Variants in ACTR1B observed in about 807,000 individuals in gnomAD.
The protein encoded by ACTR1B is actin related protein 1B, also known as beta-centractin.
A neutral mutation model predicts 49.4 loss-of-function variants in ACTR1B; 34 were observed. That is an observed-to-expected ratio of 0.69 (90% CI 0.52 to 0.92). The LOEUF (loss-of-function observed/expected upper bound fraction) is 0.92. ACTR1B is among the 40% of genes least tolerant of loss of function. The probability of loss-of-function intolerance (pLI) is 0.00; values close to 1 mark genes in which losing one functional copy is unlikely to be tolerated. For missense variants in ACTR1B, 471 were observed against 522.4 expected (o/e 0.90, Z 0.96); for synonymous variants, 207 against 207.8 (o/e 1.00, Z 0.03).
At chr2:97,661,437 A>G (rs1045637136) in intron 2 of ACTR1B, among the ~76,000 whole-genome samples, 1 of 152,212 alleles carries the variant, frequency 6.6e-6, no homozygotes, top group Admixed American at 6.5e-5. Flanking sequence ...CACCAGTACC[A>G]TACAGGGCAA....
Position 97,656,507 on chromosome 2 carries a change from C to A in ACTR1B, c.*351G>T. 3.7e-6 allele frequency: 1 copy of A among 272,732 alleles called. No individual in the cohort carries two copies. The allele number at this position is 272,732 out of a possible 1,614,324, so 16.9% of individuals were successfully genotyped here. ...GCAGCCCACTCCCCAAACTGGCTAC[C>A]CAGGCATCCAGGCATTCTGGCCCTG... On this transcript the variant is annotated 3_prime_UTR_variant, in exon 11 of 11. Coordinates refer to ENST00000289228, the MANE Select transcript of ACTR1B (RefSeq NM_005735.4).
Position 97,656,702 on chromosome 2 carries a change from G to A in ACTR1B, c.*156C>T. The A allele has an allele frequency of 1.6e-6, 1 of 641,024 alleles. No homozygotes were observed. The highest frequency in any genetic ancestry group is 2.7e-5 in the East Asian group (1 of 36,732). 39.7% of individuals were successfully genotyped at this position (641,024 alleles called of 1,614,324 possible). On this transcript the variant is annotated 3_prime_UTR_variant, in exon 11 of 11. Transcript: ENST00000289228. Reference sequence around the variant, plus strand: ...TTGTGTGTGCATGTCCTGTGTAGAGGGGAAGGCTGCAGGGGGGCACTGCTG... The same window carrying A: ...TTGTGTGTGCATGTCCTGTGTAGAGAGGAAGGCTGCAGGGGGGCACTGCTG...
In ACTR1B at chr2:97,658,066, C is replaced by A. The variant is rs140435232; in HGVS notation, c.802G>T (p.Val268Phe). ...APELLFQPDLVGDESEGLHEV... is the reference protein window; with the variant it reads ...APELLFQPDLFGDESEGLHEV... ...TGGAGCCCCTCACTCTCATCCCCGA[C>A]AAGGTCCGGCTGGAACAGCAGCTCG... Residue 268 changes from valine (V) to phenylalanine (F), a missense_variant, in exon 8 of 11, where the codon GTC becomes TTC. Transcript: ENST00000289228. The surrounding 1 kb of genome is among the most constrained non-coding windows in gnomAD (Gnocchi z 5.9). 3.0e-3 allele frequency: 4,815 copies of A among 1,614,166 alleles called. 10 individuals are homozygous for A. The highest frequency in any genetic ancestry group is 3.8e-3 in the Non-Finnish European group (4,465 of 1,180,036).
chr2:97,663,783 G>T, intron 1 of ACTR1B, 60 bp downstream of exon 1: 1 of 1,195,714 alleles, frequency 8.4e-7, no homozygotes, highest in Non-Finnish European at 1.1e-6. Flanking sequence ...CTCTCCCTGC[G>T]CCGCCGCGTG....
Position 97,658,153 on chromosome 2 carries a change from G to A in ACTR1B, c.751-36C>T. The A allele has an allele frequency of 6.2e-7, 1 of 1,612,940 alleles. No individual in the cohort carries two copies. The highest frequency in any genetic ancestry group is 1.1e-5 in the South Asian group (1 of 91,074). On this transcript the variant is annotated intron_variant, in intron 7 of 10. Coordinates refer to ENST00000289228, the MANE Select transcript of ACTR1B (RefSeq NM_005735.4). The surrounding 1 kb of genome is among the most constrained non-coding windows in gnomAD (Gnocchi z 5.9). ...CAAGATTGAGGCAGACAGGCTTCCT[G>A]GAGAAGCGGGCTACCCCTTCCCCCA...
At position 97,656,922 on chromosome 2, in the gene ACTR1B, A is replaced by G. The variant is rs1268130815; in HGVS notation, c.1067T>C (p.Met356Thr). The G allele has an allele frequency of 6.3e-7, 1 of 1,595,920 alleles. No individual in the cohort carries two copies. Among genetic ancestry groups the G allele is most frequent in the African/African-American group, 1.3e-5 (1 of 74,730 alleles). The change falls in exon 11 of 11, where the codon ATG becomes ACG. Residue 356 changes from methionine (M) to threonine (T), a missense_variant. Transcript: ENST00000289228. ...ILASLDTFKK[M>T]WVSKKEYEED... ...TTCATACTCCTTTTTGGACACCCAC[A>G]TCTTCTTAAAAGTGTCCAGCGAGGC...
In ACTR1B at chr2:97,656,761, G is replaced by A; in HGVS notation, c.*97C>T. Reference sequence around the variant, plus strand: ...ACCCAGGGGTTCAGGGCATGCAGGGGACCCTAAGCCTAGTATACGAGCCAA... The same window carrying A: ...ACCCAGGGGTTCAGGGCATGCAGGGAACCCTAAGCCTAGTATACGAGCCAA... On this transcript the variant is annotated 3_prime_UTR_variant, in exon 11 of 11. Transcript: ENST00000289228. The A allele has an allele frequency of 1.0e-6, 1 of 998,490 alleles. No homozygotes were observed. Among genetic ancestry groups the A allele is most frequent in the Non-Finnish European group, 1.5e-6 (1 of 652,816 alleles). The allele number at this position is 998,490 out of a possible 1,614,324, so 61.9% of individuals were successfully genotyped here.
rs1337260285 is a variant in ACTR1B at position 97,659,476 on chromosome 2, T to A, written c.191A>T (p.Glu64Val). Reference sequence around the variant, plus strand: ...GCGGATGGTCAGCAGCCCCCGGTGCTCCTGGTGGGGTGGGAAGGGAGGTGT... The same window carrying A: ...GCGGATGGTCAGCAGCCCCCGGTGCACCTGGTGGGGTGGGAAGGGAGGTGT... ...GDLFIGPKAE[E>V]HRGLLTIRYP... The change falls in exon 4 of 11, where the codon GAG becomes GTG. Residue 64 changes from glutamate to valine, a missense_variant and splice_region_variant. Physicochemically the swap from Glu to Val is moderately radical, Grantham distance 121. Transcript: ENST00000289228. The surrounding 1 kb of genome is among the most constrained non-coding windows in gnomAD (Gnocchi z 4.0). 6.2e-7 allele frequency: 1 copy of A among 1,613,386 alleles called. No homozygotes were observed.
At chr2:97,657,582 T>G in intron 8 of ACTR1B, 73 bp from the exon 9 acceptor site, 1 of 1,472,668 alleles carries the variant, frequency 6.8e-7, no homozygotes, top group South Asian at 1.1e-5. Flanking sequence ...CACCCAGCCT[T>G]CAGGGCCCCC....
At chr2:97,657,884 C>CT (rs1160462843) in intron 8 of ACTR1B, 59 bp downstream of exon 8, 5 of 1,586,342 alleles carry the variant, frequency 3.2e-6, no homozygotes, top group Non-Finnish European at 4.3e-6. Context: ...GGTATACTCT[C>CT]TGAGGGTCCA....
At position 97,658,612 on chromosome 2, in the gene ACTR1B, G is replaced by A. The variant is rs1261389053; in HGVS notation, c.472C>T (p.Leu158=). 22 of 1,614,026 alleles carry A rather than the reference G, an allele frequency of 1.4e-5. No individual in the cohort carries two copies. Among genetic ancestry groups the A allele is most frequent in the Non-Finnish European group, 1.9e-5 (22 of 1,179,992 alleles). Residue 158 remains leucine (L), a synonymous_variant, in exon 6 of 11, where the codon CTA becomes TTA. Transcript: ENST00000289228. The surrounding 1 kb of genome is among the most constrained non-coding windows in gnomAD (Gnocchi z 5.9). ...TGAGTGACCCCGTCCCCTGAGTCTAGAACCACTCCTGTCGTGCGTCCTGTT... is the reference window on the plus strand; with the variant it reads ...TGAGTGACCCCGTCCCCTGAGTCTAAAACCACTCCTGTCGTGCGTCCTGTT... ...YATGRTTGVV[L]DSGDGVTHAV...
intron 2 of ACTR1B, 104 bp downstream of exon 2, chr2:97,661,778 C>G: frequency 8.4e-7 from 1 of 1,189,888 alleles, no homozygotes; most frequent in Non-Finnish European, 1.2e-6. Flanking sequence ...GTTTTCCATA[C>G]AGGTCAGGGC....
chr2:97,663,750 G>T, intron 1 of ACTR1B, 93 bp downstream of exon 1: 1 of 780,868 alleles, frequency 1.3e-6, no homozygotes, highest in East Asian at 5.9e-5. Flanking sequence ...GTGAGCGGAG[G>T]ACGCGCCGAG....
At chr2:97,661,269 G>T (rs377195300) in intron 2 of ACTR1B, among the ~76,000 whole-genome samples, 29 of 152,360 alleles carry the variant, frequency 1.9e-4, no homozygotes, top group African/African-American at 6.5e-4. Context: ...GCCACTCGGG[G>T]CCTAGGATCC....
chr2:97,662,998 G>A (rs547606834), intron 1 of ACTR1B, among the ~76,000 whole-genome samples: 1 of 152,286 alleles, frequency 6.6e-6, no homozygotes, highest in East Asian at 1.9e-4. Flanking sequence ...ATCCCAGAAA[G>A]AGCACAAGTG....
At chr2:97,662,092 G>T in intron 1 of ACTR1B, 146 bp from the exon 2 acceptor site, 1 of 779,142 alleles carries the variant, frequency 1.3e-6, no homozygotes, top group Non-Finnish European at 2.1e-6. Context: ...TACACCTATG[G>T]TTCAAGATTG....
rs375209097 is a variant in ACTR1B, at chr2:97,657,145, G to A, written c.1028+7C>T. On this transcript the variant is annotated splice_region_variant and intron_variant, in intron 10 of 10. Transcript: ENST00000289228. ...CTCCCAGAGCCCTCCCTTGAGCCCC[G>A]CCTCACCCAATCCATGTGGAGTACA... 17 of 1,612,922 alleles carry A rather than the reference G, an allele frequency of 1.1e-5. No individual in the cohort carries two copies. Among genetic ancestry groups the A allele is most frequent in the African/African-American group, 8.0e-5 (6 of 74,914 alleles).
rs1674886344 is a variant in ACTR1B at position 97,657,968 on chromosome 2, G to A, written c.900C>T (p.Leu300=). ...CTTTGAAAAGCGTTGAGCCACCTGA[G>A]AGCACGATGTTGGCGAACAGCGTCC... is the stretch of plus-strand genomic sequence containing the variant. ...LRRTLFANIV[L]SGGSTLFKGF... Residue 300 remains leucine, a synonymous_variant, in exon 8 of 11, where the codon CTC becomes CTT. Transcript: ENST00000289228. 1.9e-6 allele frequency: 3 copies of A among 1,614,072 alleles called. No homozygotes were observed. The East Asian group carries it at 6.7e-5, about 36-fold the overall frequency.
At chr2:97,657,564 A>C (rs1391940708) in intron 8 of ACTR1B, 55 bp from the exon 9 acceptor site, 1 of 1,577,870 alleles carries the variant, frequency 6.3e-7, no homozygotes, top group African/African-American at 1.3e-5. Context: ...CCTCGCTGCT[A>C]GCTCCCGCAC....
Sources: allele counts gnomAD v4.1 joint callset (sites outside exome capture counted in the v4.1 genomes callset), GRCh38; gene constraint gnomAD v4.1.1; non-coding constraint Gnocchi (gnomAD v3.1); transcripts MANE v1.5; gene names NCBI Gene and HGNC (gene_info 2026-07-23, HGNC 2026-07-21).